Variants in NAALADL2 observed in about 807,000 individuals in gnomAD.
NAALADL2 encodes inactive N-acetylated-alpha-linked acidic dipeptidase-like protein 2.
In NAALADL2, 76 loss-of-function variants were observed where a neutral mutation model predicts 87.2. The ratio of observed to expected loss-of-function variants is 0.87; its 90% CI spans 0.72 to 1.05. The LOEUF (loss-of-function observed/expected upper bound fraction) is 1.05, where lower values mean the gene tolerates loss of function less well. NAALADL2 is among the 50% of genes least tolerant of loss of function. The pLI is 0.00. For synonymous variants in NAALADL2, 354 were observed against 331.0 expected (o/e 1.07, Z -0.75); for missense variants, 1,089 against 945.8 (o/e 1.15, Z -1.99).
At chr3:174,707,766 C>A (rs2108903624) in intron 2 of NAALADL2, among the ~76,000 whole-genome samples, 1 of 150,956 alleles carries the variant, frequency 6.6e-6, no homozygotes, top group South Asian at 2.1e-4. Flanking sequence ...GCACGTTGTG[C>A]ACATGTACCC....
At chr3:175,343,600 C>G (rs1367175994) in intron 5 of NAALADL2, among the ~76,000 whole-genome samples, 1 of 144,356 alleles carries the variant, frequency 6.9e-6, no homozygotes, top group East Asian at 2.2e-4. Context: ...GTCTTTCATG[C>G]ATTATGTGTA....
At chr3:175,446,050 G>T (rs982762284) in intron 5 of NAALADL2, among the ~76,000 whole-genome samples, 1 of 152,136 alleles carries the variant, frequency 6.6e-6, no homozygotes, top group African/African-American at 2.4e-5. Flanking sequence ...ATTGACTGAT[G>T]AATTTCAATG....
intron 1 of NAALADL2, among the ~76,000 whole-genome samples, chr3:174,472,685 T>A (rs1264091959): frequency 1.3e-5 from 2 of 152,186 alleles, no homozygotes; most frequent in Non-Finnish European, 2.9e-5. Context: ...TCATACATAT[T>A]TTTTTCATCA....
chr3:175,803,273 T>C lies in NAALADL2; in HGVS notation c.*70T>C. ...CAAAAGCTCTAATTTAACCAGATTT[T>C]CTGACATTGAAGGCTTATTTTCCCC... On this transcript the variant is annotated 3_prime_UTR_variant, in exon 14 of 14. Coordinates refer to ENST00000454872, the MANE Select transcript of NAALADL2 (RefSeq NM_207015.3). The C allele has an allele frequency of 8.5e-7, 1 of 1,180,972 alleles. No individual in the cohort carries two copies. The highest frequency in any genetic ancestry group is 1.2e-6 in the Non-Finnish European group (1 of 850,120). The allele number at this position is 1,180,972 out of a possible 1,614,324, so 73.2% of individuals were successfully genotyped here. A position where few individuals can be genotyped will look rare whatever the true frequency, so the allele number is the denominator to read the frequency against.
chr3:174,743,178 G>GA, intron 3 of NAALADL2, among the ~76,000 whole-genome samples: 1 of 151,778 alleles, frequency 6.6e-6, no homozygotes, highest in East Asian at 1.9e-4. Context: ...AGACTTGTTG[G>GA]AATTAGAGTC....
At chr3:175,608,463 C>T (rs1724092670) in intron 10 of NAALADL2, among the ~76,000 whole-genome samples, 1 of 151,642 alleles carries the variant, frequency 6.6e-6, no homozygotes, top group African/African-American at 2.4e-5. Flanking sequence ...ACAGGAAATC[C>T]ATTCTATAAA....
chr3:175,358,850 A>T (rs955592727), intron 5 of NAALADL2, among the ~76,000 whole-genome samples: 2 of 152,136 alleles, frequency 1.3e-5, no homozygotes, highest in Non-Finnish European at 2.9e-5. Context: ...TGGCACAATA[A>T]GTCAATAGGT....
intron 5 of NAALADL2, among the ~76,000 whole-genome samples, chr3:175,439,872 C>A (rs543087556): frequency 6.6e-6 from 1 of 151,604 alleles, no homozygotes; most frequent in Admixed American, 6.6e-5. Context: ...TTTTGCTGTA[C>A]GGAAGCATTT....
intron 3 of NAALADL2, among the ~76,000 whole-genome samples, chr3:174,809,041 G>A (rs1042669133): frequency 6.6e-6 from 1 of 152,060 alleles, no homozygotes; most frequent in Admixed American, 6.6e-5. Context: ...GAACCTATTT[G>A]TTTTGTCTTA....
chr3:175,566,161 T>C (rs934897737), intron 9 of NAALADL2, among the ~76,000 whole-genome samples: 21 of 152,142 alleles, frequency 1.4e-4, no homozygotes, highest in African/African-American at 5.1e-4. Context: ...TTTTTCATAC[T>C]ATATTTTACA....
At chr3:175,555,115 A>G (rs558503173) in intron 9 of NAALADL2, among the ~76,000 whole-genome samples, 1 of 152,090 alleles carries the variant, frequency 6.6e-6, no homozygotes, top group Non-Finnish European at 1.5e-5. Context: ...GTGAGTCCCT[A>G]ATGTTTTTGT....
intron 2 of NAALADL2, among the ~76,000 whole-genome samples, chr3:174,567,389 A>G (rs1399873302): frequency 2.0e-5 from 3 of 151,588 alleles, no homozygotes; most frequent in Non-Finnish European, 3.0e-5. Flanking sequence ...TTTATAAAAT[A>G]AACAAATTTT....
chr3:175,409,727 G>A (rs1227511517), intron 5 of NAALADL2, among the ~76,000 whole-genome samples: 1 of 151,808 alleles, frequency 6.6e-6, no homozygotes, highest in African/African-American at 2.4e-5. Context: ...GATATGTATA[G>A]CATGTTAACT....
intron 3 of NAALADL2, among the ~76,000 whole-genome samples, chr3:174,823,814 T>C (rs1227374551): frequency 1.3e-5 from 2 of 152,106 alleles, no homozygotes; most frequent in Non-Finnish European, 2.9e-5. Context: ...GGGTTCAAGC[T>C]ATTCTCCTGC....
At chr3:175,622,308 C>G (rs1373191591) in intron 10 of NAALADL2, among the ~76,000 whole-genome samples, 1 of 152,072 alleles carries the variant, frequency 6.6e-6, no homozygotes, top group Non-Finnish European at 1.5e-5. Flanking sequence ...TCAAAGAATT[C>G]TGTGCCTCTA....
intron 2 of NAALADL2, among the ~76,000 whole-genome samples, chr3:175,232,388 C>A (rs773169431): frequency 2.0e-5 from 3 of 152,012 alleles, no homozygotes; most frequent in Non-Finnish European, 4.4e-5. Flanking sequence ...TCAGACTTAC[C>A]TTTTATCTTG....
At chr3:175,802,652 T>TTAAGA (rs150895914) in intron 13 of NAALADL2, among the ~76,000 whole-genome samples, 62,790 of 149,348 alleles carry the variant, frequency 0.42, 15,985 homozygotes, top group African/African-American at 0.73. Context: ...GTGGTATAAT[T>TTAAGA]TATTTTTTTC....
At chr3:175,497,469 T>A (rs558610637) in intron 9 of NAALADL2, among the ~76,000 whole-genome samples, 1 of 152,198 alleles carries the variant, frequency 6.6e-6, no homozygotes, top group African/African-American at 2.4e-5. Flanking sequence ...TCAGTTGTAT[T>A]AATTTGCAAT....
intron 1 of NAALADL2, among the ~76,000 whole-genome samples, chr3:174,949,970 A>C (rs1160615599): frequency 6.6e-6 from 1 of 152,130 alleles, no homozygotes; most frequent in Non-Finnish European, 1.5e-5. Context: ...TTGCATTGGA[A>C]CCATTGAGGG....
Sources: gnomAD v4.1 joint callset for allele counts (sites outside exome capture counted in the v4.1 genomes callset) on GRCh38, gnomAD v4.1.1 for gene constraint, MANE v1.5 for transcripts, NCBI Gene and HGNC (gene_info 2026-07-23, HGNC 2026-07-21) for gene names.